The following INPP4B variants were observed in gnomAD, a reference collection of about 807,000 sequenced individuals.
INPP4B encodes inositol polyphosphate-4-phosphatase type II B.
INPP4B carries 55 observed loss-of-function variants against 122.5 expected under a neutral mutation model. That is an observed-to-expected ratio of 0.45 (90% CI 0.36 to 0.56). The LOEUF is 0.56. Among genes scored for constraint, INPP4B ranks in the 20% least tolerant of loss-of-function variants. The pLI, the probability that INPP4B is intolerant of heterozygous loss-of-function variation, is 0.00. For missense variants in INPP4B, 1,000 were observed against 1,097.7 expected, an observed-to-expected ratio of 0.91 and a Z score of 1.26; for synonymous variants, 403 against 388.7, an observed-to-expected ratio of 1.04 and a Z score of -0.43.
At chr4:142,554,061 C>A (rs899213434) in intron 2 of INPP4B, among the ~76,000 whole-genome samples, 1 of 151,822 alleles carries the variant, frequency 6.6e-6, no homozygotes, top group African/African-American at 2.4e-5. Flanking sequence ...TGGTGGCCAG[C>A]GCCTGTAATC....
chr4:142,284,404 G>T (rs953753606), intron 9 of INPP4B, among the ~76,000 whole-genome samples: 1 of 152,224 alleles, frequency 6.6e-6, no homozygotes, highest in South Asian at 2.1e-4. Context: ...GTTGACTTTA[G>T]AAACGAAAAG....
chr4:142,175,405 T>C (rs1827675119), intron 15 of INPP4B, among the ~76,000 whole-genome samples: 1 of 152,080 alleles, frequency 6.6e-6, no homozygotes, highest in Admixed American at 6.6e-5. Context: ...CCTATTTTAT[T>C]TATTTACTTA....
intron 25 of INPP4B, among the ~76,000 whole-genome samples, chr4:142,078,337 T>C (rs1366958149): frequency 6.6e-6 from 1 of 152,062 alleles, no homozygotes; most frequent in Non-Finnish European, 1.5e-5. Context: ...ATTCTGCAGC[T>C]TGTGCTTATC....
chr4:142,206,799 G>A (rs1317178696), intron 14 of INPP4B, among the ~76,000 whole-genome samples: 2 of 151,708 alleles, frequency 1.3e-5, no homozygotes, highest in Non-Finnish European at 2.9e-5. Flanking sequence ...ACGTGTATGT[G>A]TATAAGAACA....
intron 9 of INPP4B, among the ~76,000 whole-genome samples, chr4:142,281,049 A>G (rs564119758): frequency 6.6e-6 from 1 of 152,046 alleles, no homozygotes; most frequent in Admixed American, 6.6e-5. Flanking sequence ...AAATTATCAC[A>G]TTTAGACCTA....
chr4:142,387,747 T>C (rs1053281996), intron 7 of INPP4B, among the ~76,000 whole-genome samples: 1 of 152,230 alleles, frequency 6.6e-6, no homozygotes, highest in Non-Finnish European at 1.5e-5. Context: ...ATGAGGCTAA[T>C]GTTGAGCTGT....
intron 25 of INPP4B, among the ~76,000 whole-genome samples, chr4:142,079,927 AC>A (rs2152520389): frequency 6.6e-6 from 1 of 152,280 alleles, no homozygotes; most frequent in Non-Finnish European, 1.5e-5. Flanking sequence ...ATTATACTGC[AC>A]ATGGAAAATC....
chr4:142,119,435 T>C (rs1349948629), intron 21 of INPP4B, among the ~76,000 whole-genome samples: 1 of 151,918 alleles, frequency 6.6e-6, no homozygotes, highest in Non-Finnish European at 1.5e-5. Flanking sequence ...AGAAAATGTG[T>C]CACATATACA....
chr4:142,537,417 TATATATATATATAGAGAGAGAGAGAG>T (rs1377639547), intron 2 of INPP4B, among the ~76,000 whole-genome samples: 18 of 49,678 alleles, frequency 3.6e-4, no homozygotes, highest in African/African-American at 1.2e-3. Flanking sequence ...TATATATATA[TATATATATATATAGAGAGAGAGAGAG>T]AGAGAGAGAG....
At position 142,082,025 on chromosome 4, in the gene INPP4B, A is replaced by G; in HGVS notation, c.2642+6T>C. The G allele has an allele frequency of 2.1e-6, 3 of 1,428,592 alleles. No homozygotes were observed. The highest frequency in any genetic ancestry group is 2.8e-6 in the Non-Finnish European group (3 of 1,072,336). 88.5% of individuals were successfully genotyped at this position (1,428,592 alleles called of 1,614,324 possible). A position where few individuals can be genotyped will look rare whatever the true frequency, so the allele number is the denominator to read the frequency against. On this transcript the variant is annotated splice_donor_region_variant and intron_variant, in intron 25 of 25. Transcript: ENST00000262992. Reference sequence around the variant, plus strand: ...AAGAAAAAAACTTGAAAAACATGTGAGATACCTTCTCATGCAATCCAGCGC... The same window carrying G: ...AAGAAAAAAACTTGAAAAACATGTGGGATACCTTCTCATGCAATCCAGCGC...
At chr4:142,415,993 G>A (rs1202598395) in intron 5 of INPP4B, among the ~76,000 whole-genome samples, 1 of 151,604 alleles carries the variant, frequency 6.6e-6, no homozygotes, top group African/African-American at 2.4e-5. Context: ...TCACACTCTG[G>A]GGACTGTTGT....
chr4:142,110,311 C>A (rs1419322343), intron 22 of INPP4B, among the ~76,000 whole-genome samples: 1 of 152,080 alleles, frequency 6.6e-6, no homozygotes, highest in East Asian at 1.9e-4. Flanking sequence ...TTGGCTGAAA[C>A]CTTGACCTTG....
At chr4:142,143,273 C>T (rs931723504) in intron 18 of INPP4B, among the ~76,000 whole-genome samples, 6 of 152,088 alleles carry the variant, frequency 3.9e-5, no homozygotes, top group African/African-American at 9.6e-5. Context: ...TTAAATTATC[C>T]TAAAAACTAT....
intron 18 of INPP4B, among the ~76,000 whole-genome samples, chr4:142,129,330 G>A (rs1800133234): frequency 6.6e-6 from 1 of 152,102 alleles, no homozygotes; most frequent in African/African-American, 2.4e-5. Context: ...AATTTTTGTT[G>A]ATTTTGAAGG....
At position 142,028,856 on chromosome 4, in the gene INPP4B, T is replaced by C; in HGVS notation, c.2701A>G (p.Asn901Asp). 6.2e-7 allele frequency: 1 copy of C among 1,613,620 alleles called. No individual in the cohort carries two copies. Among genetic ancestry groups the C allele is most frequent in the Non-Finnish European group, 8.5e-7 (1 of 1,179,680 alleles). ...KNIKCRKYAF[N>D]MLQLMAFPKY... is the part of the protein sequence containing the mutation. ...GGGAAAGCCATCAGCTGTAGCATGT[T>C]GAAAGCATACTTTCTGCATTTGATA... Residue 901 changes from asparagine (N) to aspartate (D), a missense_variant, in exon 26 of 26, where the codon AAC becomes GAC. Physicochemically the swap from Asn to Asp is conservative, Grantham distance 23. Coordinates refer to ENST00000262992, the MANE Select transcript of INPP4B (RefSeq NM_001101669.3).
intron 2 of INPP4B, among the ~76,000 whole-genome samples, chr4:142,540,185 C>T (rs1384067801): frequency 6.6e-6 from 1 of 152,030 alleles, no homozygotes. Context: ...TATCATATCA[C>T]CCTGAATGTC....
intron 12 of INPP4B, among the ~76,000 whole-genome samples, chr4:142,222,940 G>C (rs1039481790): frequency 6.6e-6 from 1 of 152,166 alleles, no homozygotes; most frequent in Non-Finnish European, 1.5e-5. Flanking sequence ...CCATGTATAT[G>C]GTTCTTTACA....
chr4:142,408,553 A>G (rs1258780291), intron 5 of INPP4B, among the ~76,000 whole-genome samples: 1 of 152,202 alleles, frequency 6.6e-6, no homozygotes, highest in East Asian at 1.9e-4. Context: ...ACTCTGTCTC[A>G]TAAATAAATA....
At chr4:142,187,105 C>T (rs920120698) in intron 15 of INPP4B, among the ~76,000 whole-genome samples, 2 of 152,006 alleles carry the variant, frequency 1.3e-5, no homozygotes, top group East Asian at 3.9e-4. Flanking sequence ...AAATGTACTC[C>T]CAAGGAATCA....
Sources: allele counts gnomAD v4.1 joint callset (sites outside exome capture counted in the v4.1 genomes callset), GRCh38; gene constraint gnomAD v4.1.1; transcripts MANE v1.5; gene names NCBI Gene and HGNC (gene_info 2026-07-23, HGNC 2026-07-21).